Variants in REDIC1 observed in about 807,000 individuals in gnomAD.
The protein encoded by REDIC1 is HEI10 Interacting Protein 1.
the REDIC1 span, chr12:39,830,004 T>C: frequency 6.8e-7 from 1 of 1,469,940 alleles, no homozygotes; most frequent in African/African-American, 1.4e-5. Context: ...GAAGGCCAGT[T>C]TAAAAGAACT....
the REDIC1 span, among the ~76,000 whole-genome samples, chr12:39,767,463 G>A: frequency 3.3e-5 from 5 of 151,900 alleles, no homozygotes; most frequent in South Asian, 4.1e-4. Context: ...TTTTTGGAGC[G>A]GCAAATGAGC....
chr12:39,749,261 A>G, the REDIC1 span, among the ~76,000 whole-genome samples: 3 of 152,206 alleles, frequency 2.0e-5, no homozygotes, highest in South Asian at 6.2e-4. Context: ...CCACAGAAAT[A>G]CAAACTACCA....
At chr12:39,662,549 C>G in the REDIC1 span, among the ~76,000 whole-genome samples, 2 of 151,240 alleles carry the variant, frequency 1.3e-5, no homozygotes, top group African/African-American at 2.4e-5. Flanking sequence ...CTAGGTTTTT[C>G]TAAATATAAG....
At chr12:39,753,395 CTTAT>C in the REDIC1 span, among the ~76,000 whole-genome samples, 9 of 147,868 alleles carry the variant, frequency 6.1e-5, no homozygotes, top group Admixed American at 6.0e-4. Flanking sequence ...ATTTTCTAAA[CTTAT>C]TTTTATTTCT....
At chr12:39,657,744 T>C in the REDIC1 span, among the ~76,000 whole-genome samples, 2 of 152,152 alleles carry the variant, frequency 1.3e-5, no homozygotes, top group Non-Finnish European at 2.9e-5. Flanking sequence ...GAGATTATTT[T>C]TCTCTTATTC....
the REDIC1 span, among the ~76,000 whole-genome samples, chr12:39,857,307 G>A: frequency 6.6e-6 from 1 of 152,182 alleles, no homozygotes; most frequent in Admixed American, 6.5e-5. Context: ...TAACTTGAGA[G>A]CAAAGGAAAG....
chr12:39,689,650 G>A, the REDIC1 span, among the ~76,000 whole-genome samples: 8 of 152,112 alleles, frequency 5.3e-5, no homozygotes, highest in Non-Finnish European at 1.0e-4. Context: ...GTATGAAGTA[G>A]AAGAGGAACC....
the REDIC1 span, chr12:39,871,989 T>G: frequency 6.6e-6 from 10 of 1,507,472 alleles, no homozygotes; most frequent in Non-Finnish European, 8.9e-6. Flanking sequence ...AAACAATTGC[T>G]ATTGATAGTT....
At chr12:39,892,499 C>T in the REDIC1 span, among the ~76,000 whole-genome samples, 189 of 152,236 alleles carry the variant, frequency 1.2e-3, no homozygotes, top group South Asian at 4.8e-3. Flanking sequence ...GACGCTTAAC[C>T]GAACTTTAGT....
the REDIC1 span, among the ~76,000 whole-genome samples, chr12:39,901,990 C>G: frequency 6.6e-6 from 1 of 151,998 alleles, no homozygotes; most frequent in Non-Finnish European, 1.5e-5. Context: ...GGCACATATA[C>G]ACCATGGAAT....
chr12:39,815,355 C>T, the REDIC1 span, among the ~76,000 whole-genome samples: 1 of 152,178 alleles, frequency 6.6e-6, no homozygotes, highest in Non-Finnish European at 1.5e-5. Flanking sequence ...ATTTCTACTA[C>T]AAGTTTTTCA....
At chr12:39,696,572 A>AAAAAAAAAAAAAAAAAAAAC in the REDIC1 span, among the ~76,000 whole-genome samples, 1 of 141,054 alleles carries the variant, frequency 7.1e-6, no homozygotes, top group Non-Finnish European at 1.5e-5. Context: ...AAAAAAAAAA[A>AAAAAAAAAAAAAAAAAAAAC]AAAAAAAATA....
At chr12:39,641,450 T>C in the REDIC1 span, among the ~76,000 whole-genome samples, 2 of 151,644 alleles carry the variant, frequency 1.3e-5, no homozygotes, top group African/African-American at 4.8e-5. Flanking sequence ...CAAGATTTGT[T>C]TGGGTCATTG....
the REDIC1 span, among the ~76,000 whole-genome samples, chr12:39,812,996 A>AATTTT: frequency 4.9e-5 from 2 of 40,616 alleles, no homozygotes; most frequent in Non-Finnish European, 8.4e-5. Context: ...TGCCCAGCTA[A>AATTTT]TTTTTTTTTT....
chr12:39,690,021 G>A, the REDIC1 span, among the ~76,000 whole-genome samples: 1 of 152,184 alleles, frequency 6.6e-6, no homozygotes, highest in Non-Finnish European at 1.5e-5. Context: ...AAATTGTGAT[G>A]CCTGGCCATG....
the REDIC1 span, among the ~76,000 whole-genome samples, chr12:39,832,293 G>A: frequency 5.9e-5 from 9 of 152,210 alleles, no homozygotes; most frequent in African/African-American, 1.4e-4. Flanking sequence ...CCCATATGAA[G>A]TTAAATTTAA....
chr12:39,758,866 T>TA, the REDIC1 span: 4 of 151,152 alleles, frequency 2.6e-5, no homozygotes, highest in Non-Finnish European at 5.9e-5. Context: ...GCTCTTAAAG[T>TA]AAAAAAAGAC....
chr12:39,718,819 A>AT, the REDIC1 span, among the ~76,000 whole-genome samples: 2 of 152,120 alleles, frequency 1.3e-5, no homozygotes, highest in East Asian at 1.9e-4. Flanking sequence ...TTACCTTGAT[A>AT]TTTTTTAAGC....
At chr12:39,712,440 A>ACG in the REDIC1 span, among the ~76,000 whole-genome samples, 3 of 66,402 alleles carry the variant, frequency 4.5e-5, no homozygotes, top group African/African-American at 1.4e-4. Context: ...ATACATACGT[A>ACG]TATGTATACA....
Sources: allele counts gnomAD v4.1 joint callset (sites outside exome capture counted in the v4.1 genomes callset), GRCh38; gene constraint gnomAD v4.1.1; transcripts MANE v1.5; gene names NCBI Gene and HGNC (gene_info 2026-07-23, HGNC 2026-07-21).